Variants in CEP350 observed in about 807,000 individuals in gnomAD.
CEP350 encodes centrosome-associated protein 350.
In CEP350, 126 loss-of-function variants were observed where a neutral mutation model predicts 331.8. The ratio of observed to expected loss-of-function variants is 0.38; its 90% CI spans 0.33 to 0.44. CEP350 has a LOEUF of 0.44. Among genes scored for constraint, CEP350 ranks in the 20% least tolerant of loss-of-function variants. CEP350 has a pLI of 1.00. For synonymous variants in CEP350, 1,200 were observed against 1,259.5 expected (o/e 0.95, Z 1.00); for missense variants, 3,406 against 3,634.6 (o/e 0.94, Z 1.62).
intron 19 of CEP350, among the ~76,000 whole-genome samples, chr1:180,042,723 GA>G (rs1304804351): frequency 1.3e-5 from 2 of 152,236 alleles, no homozygotes; most frequent in Non-Finnish European, 2.9e-5. Flanking sequence ...CAAAGAGTTA[GA>G]AAAGAAGTAG....
Position 180,093,334 on chromosome 1 carries a change from A to T in CEP350, c.7229A>T (p.Gln2410Leu). The T allele has an allele frequency of 3.1e-6, 5 of 1,598,958 alleles. No individual in the cohort carries two copies. Among genetic ancestry groups the T allele is most frequent in the Non-Finnish European group, 4.3e-6 (5 of 1,172,472 alleles). Residue 2410 changes from glutamine to leucine, a missense_variant, in exon 34 of 38, where the codon CAG becomes CTG. Physicochemically the swap from Gln to Leu is moderately radical, Grantham distance 113. This residue lies in a region of CEP350 where 1,415 missense variants were observed against 1,512.3 expected (regional missense o/e 0.94). Transcript: ENST00000367607. ...TTGCTGTCACTCAGGAAAGACTCTC[A>T]GTCTTGCAGAGATAAGCCACAGCCA... Reference protein sequence around the residue: ...SSLLSLRKDSQSCRDKPQPMR... With the variant: ...SSLLSLRKDSLSCRDKPQPMR...
chr1:179,968,350 G>C (rs1161658301), intron 1 of CEP350, among the ~76,000 whole-genome samples: 2 of 146,806 alleles, frequency 1.4e-5, no homozygotes, highest in Admixed American at 1.4e-4. Flanking sequence ...AAAAAAAAAA[G>C]AGGAATAAAA....
intron 27 of CEP350, among the ~76,000 whole-genome samples, chr1:180,068,333 T>C (rs1658670942): frequency 1.3e-5 from 2 of 152,150 alleles, no homozygotes; most frequent in Admixed American, 1.3e-4. Context: ...GTCATATAAT[T>C]TCCATTTATC....
intron 1 of CEP350, among the ~76,000 whole-genome samples, chr1:179,966,120 C>T (rs1446271211): frequency 6.6e-6 from 1 of 152,202 alleles, no homozygotes. Context: ...ACTTTCTTTT[C>T]ACCTTCAGGG....
At chr1:180,080,946 G>A (rs1213245460) in intron 30 of CEP350, among the ~76,000 whole-genome samples, 1 of 151,960 alleles carries the variant, frequency 6.6e-6, no homozygotes, top group South Asian at 2.1e-4. Context: ...TGCAACCTCC[G>A]CCTCCCAGGG....
intron 1 of CEP350, among the ~76,000 whole-genome samples, chr1:179,966,669 T>C (rs962670212): frequency 7.2e-5 from 11 of 152,186 alleles, no homozygotes; most frequent in African/African-American, 2.7e-4. Context: ...TACTAATTTC[T>C]GTCTAAACCA....
intron 17 of CEP350, among the ~76,000 whole-genome samples, chr1:180,038,373 A>G (rs1161886847): frequency 3.3e-5 from 5 of 152,194 alleles, no homozygotes; most frequent in Non-Finnish European, 7.3e-5. Context: ...AACTCTGTGC[A>G]TACTACATAT....
At chr1:179,955,680 C>T (rs1355165697) in intron 1 of CEP350, among the ~76,000 whole-genome samples, 1 of 152,224 alleles carries the variant, frequency 6.6e-6, no homozygotes, top group Non-Finnish European at 1.5e-5. Flanking sequence ...GTATTTTCCT[C>T]TGCCTTTTAA....
intron 2 of CEP350, among the ~76,000 whole-genome samples, chr1:179,986,660 G>A (rs1652668199): frequency 6.6e-6 from 1 of 152,104 alleles, no homozygotes; most frequent in Non-Finnish European, 1.5e-5. Context: ...ACAAACTAGA[G>A]TACATCTGGA....
intron 7 of CEP350, among the ~76,000 whole-genome samples, chr1:180,003,657 G>C (rs544950605): frequency 6.6e-6 from 1 of 152,280 alleles, no homozygotes; most frequent in East Asian, 1.9e-4. Flanking sequence ...ACTTACATGA[G>C]AGCAAGATAC....
At chr1:180,039,281 A>T (rs1386388135) in intron 17 of CEP350, among the ~76,000 whole-genome samples, 1 of 27,218 alleles carries the variant, frequency 3.7e-5, no homozygotes, top group African/African-American at 2.0e-4. Context: ...GAAGGGAGGG[A>T]GGGAGGGAGG....
chr1:179,961,741 A>G (rs916845028), intron 1 of CEP350, among the ~76,000 whole-genome samples: 1 of 152,252 alleles, frequency 6.6e-6, no homozygotes, highest in Non-Finnish European at 1.5e-5. Flanking sequence ...GGTTCGTTAC[A>G]TGGGTATATT....
chr1:180,037,240 C>T (rs570759550), intron 17 of CEP350, 151 bp downstream of exon 17: 4 of 504,774 alleles, frequency 7.9e-6, no homozygotes, highest in South Asian at 6.9e-5. Flanking sequence ...AAAAATCTGT[C>T]GGGACACTAA....
intron 31 of CEP350, 54 bp from the exon 32 acceptor site, chr1:180,087,523 TA>T (rs766560610): frequency 7.0e-6 from 10 of 1,433,286 alleles, no homozygotes; most frequent in Non-Finnish European, 9.3e-6. Flanking sequence ...TTTTATAATT[TA>T]AAATAAGTTT....
intron 31 of CEP350, among the ~76,000 whole-genome samples, chr1:180,086,256 A>T (rs903367550): frequency 6.6e-6 from 1 of 152,206 alleles, no homozygotes; most frequent in Non-Finnish European, 1.5e-5. Context: ...AACAAAATTT[A>T]AAAATACAGA....
chr1:179,966,811 A>AT (rs370891254), intron 1 of CEP350, among the ~76,000 whole-genome samples: 57 of 152,268 alleles, frequency 3.7e-4, no homozygotes, highest in African/African-American at 1.3e-3. Flanking sequence ...GATAGCTCAA[A>AT]TGCACACTGA....
intron 1 of CEP350, among the ~76,000 whole-genome samples, chr1:179,966,832 G>A (rs1346491330): frequency 1.3e-5 from 2 of 152,152 alleles, no homozygotes; most frequent in Non-Finnish European, 2.9e-5. Context: ...TGGAGCTTCA[G>A]AATCTGAGAG....
chr1:180,108,461 CT>C (rs967673734), intron 37 of CEP350, among the ~76,000 whole-genome samples: 5 of 152,036 alleles, frequency 3.3e-5, no homozygotes, highest in African/African-American at 1.2e-4. Context: ...GATCACGCCA[CT>C]GCACTCCAGC....
intron 6 of CEP350, among the ~76,000 whole-genome samples, chr1:179,999,794 TAC>T (rs1040413784): frequency 6.6e-6 from 1 of 152,198 alleles, no homozygotes; most frequent in African/African-American, 2.4e-5. Context: ...CCTCTTTTTA[TAC>T]AGTTATTAGC....
Sources: gnomAD v4.1 joint callset for allele counts (sites outside exome capture counted in the v4.1 genomes callset) on GRCh38, gnomAD v4.1.1 for gene constraint, gnomAD v4.1.1 regional missense constraint, MANE v1.5 for transcripts, NCBI Gene and HGNC (gene_info 2026-07-23, HGNC 2026-07-21) for gene names.